Variants in GSK3B observed in about 807,000 individuals in gnomAD.
GSK3B encodes glycogen synthase kinase-3 beta.
GSK3B carries 15 observed loss-of-function variants against 56.4 expected under a neutral mutation model. That is an observed-to-expected ratio of 0.27 (90% CI 0.18 to 0.41). The LOEUF (loss-of-function observed/expected upper bound fraction) is 0.41. Among genes scored for constraint, GSK3B ranks in the 10% least tolerant of loss-of-function variants. The probability of loss-of-function intolerance (pLI) is 1.00; values close to 1 mark genes in which losing one functional copy is unlikely to be tolerated. For synonymous variants in GSK3B, 181 were observed against 188.9 expected (o/e 0.96, Z 0.34); for missense variants, 300 against 513.4 (o/e 0.58, Z 4.02).
chr3:120,079,305 TACAC>T (rs61338597), intron 1 of GSK3B, among the ~76,000 whole-genome samples: 31,290 of 127,696 alleles, frequency 0.25, 3,785 homozygotes, highest in South Asian at 0.29. Flanking sequence ...GACAGGAAAT[TACAC>T]ACACACACAC....
intron 1 of GSK3B, among the ~76,000 whole-genome samples, chr3:120,011,034 A>G (rs551000405): frequency 2.0e-5 from 3 of 152,324 alleles, no homozygotes; most frequent in East Asian, 3.9e-4. Context: ...ATGCCACTGT[A>G]CTCCAGCCTG....
chr3:119,854,744 T>C (rs1332733741), intron 9 of GSK3B, among the ~76,000 whole-genome samples: 1 of 152,252 alleles, frequency 6.6e-6, no homozygotes, highest in Admixed American at 6.5e-5. Flanking sequence ...CAGTTTGTAT[T>C]TCTGTGGGAT....
intron 1 of GSK3B, among the ~76,000 whole-genome samples, chr3:120,066,776 A>G (rs1272531317): frequency 2.6e-5 from 4 of 152,214 alleles, no homozygotes; most frequent in Non-Finnish European, 5.9e-5. Context: ...TAACTCTGCC[A>G]CTGTATGTGA....
chr3:119,861,023 T>C (rs1559811867), intron 9 of GSK3B, among the ~76,000 whole-genome samples: 1 of 152,298 alleles, frequency 6.6e-6, no homozygotes, highest in East Asian at 1.9e-4. Context: ...AGTGGAAAAT[T>C]GATTCTCCTT....
chr3:119,890,151 T>C (rs1559824592), intron 7 of GSK3B, among the ~76,000 whole-genome samples: 1 of 151,994 alleles, frequency 6.6e-6, no homozygotes, highest in South Asian at 2.1e-4. Context: ...TCAAGAGAAA[T>C]ATAAACATAT....
At chr3:120,081,609 T>C (rs920039523) in intron 1 of GSK3B, among the ~76,000 whole-genome samples, 1 of 152,168 alleles carries the variant, frequency 6.6e-6, no homozygotes, top group Non-Finnish European at 1.5e-5. Flanking sequence ...TAAATGTTCC[T>C]AGAAACATCA....
At chr3:119,999,844 T>G (rs778147577) in intron 2 of GSK3B, among the ~76,000 whole-genome samples, 1 of 152,024 alleles carries the variant, frequency 6.6e-6, no homozygotes, top group African/African-American at 2.4e-5. Flanking sequence ...ACATAAAAAG[T>G]TTGGAAAGTT....
At chr3:120,079,099 G>A (rs2058392275) in intron 1 of GSK3B, among the ~76,000 whole-genome samples, 1 of 149,448 alleles carries the variant, frequency 6.7e-6, no homozygotes, top group Non-Finnish European at 1.5e-5. Context: ...GCACCACCAT[G>A]CCCAGCTAAT....
chr3:120,072,895 C>T (rs1009003744), intron 1 of GSK3B, among the ~76,000 whole-genome samples: 4 of 152,054 alleles, frequency 2.6e-5, no homozygotes, highest in South Asian at 2.1e-4. Context: ...GTTAACTGAA[C>T]GCAAAATTGG....
chr3:119,960,531 G>A (rs1204889602), intron 2 of GSK3B, among the ~76,000 whole-genome samples: 1 of 152,196 alleles, frequency 6.6e-6, no homozygotes, highest in Non-Finnish European at 1.5e-5. Context: ...TTGTGATAAT[G>A]TACTATAATT....
intron 8 of GSK3B, among the ~76,000 whole-genome samples, chr3:119,869,555 C>A (rs2056227220): frequency 6.6e-6 from 1 of 152,168 alleles, no homozygotes; most frequent in South Asian, 2.1e-4. Context: ...TTAGCCATGA[C>A]AAATCTAACA....
At chr3:119,888,082 A>T (rs879093582) in intron 7 of GSK3B, among the ~76,000 whole-genome samples, 5 of 152,130 alleles carry the variant, frequency 3.3e-5, no homozygotes, top group Admixed American at 6.6e-5. Flanking sequence ...CACCACAAAA[A>T]AGTAGTTCAG....
intron 10 of GSK3B, among the ~76,000 whole-genome samples, chr3:119,839,871 C>T (rs1293319862): frequency 1.3e-5 from 2 of 152,094 alleles, no homozygotes. Context: ...ATAATTAATT[C>T]GCCCCAGGGT....
chr3:119,952,964 T>C (rs1559850791), intron 2 of GSK3B, among the ~76,000 whole-genome samples: 1 of 152,106 alleles, frequency 6.6e-6, no homozygotes, highest in African/African-American at 2.4e-5. Context: ...ACTATAGATA[T>C]ATTTTTATTT....
chr3:120,037,185 G>GC (rs2058030337), intron 1 of GSK3B, among the ~76,000 whole-genome samples: 1 of 152,140 alleles, frequency 6.6e-6, no homozygotes. Context: ...TCAAGGTATT[G>GC]CCCTAAAGGA....
chr3:120,009,396 C>T (rs997757672), intron 1 of GSK3B, among the ~76,000 whole-genome samples: 6 of 152,092 alleles, frequency 3.9e-5, no homozygotes, highest in African/African-American at 9.7e-5. Context: ...ACATTTACTG[C>T]GGCACTATTC....
intron 3 of GSK3B, 93 bp downstream of exon 3, chr3:119,947,175 T>G (rs919956998): frequency 3.8e-6 from 3 of 780,936 alleles, no homozygotes; most frequent in Non-Finnish European, 6.6e-6. Context: ...TCCATTCCAT[T>G]AGCAAAACTG....
intron 1 of GSK3B, among the ~76,000 whole-genome samples, chr3:120,080,607 G>A (rs542555627): frequency 2.6e-5 from 4 of 152,190 alleles, no homozygotes; most frequent in African/African-American, 9.6e-5. Context: ...AAAGCATCCA[G>A]ATCATTTGAG....
chr3:119,949,192 C>T (rs950257663), intron 2 of GSK3B, among the ~76,000 whole-genome samples: 4 of 152,090 alleles, frequency 2.6e-5, no homozygotes, highest in Admixed American at 2.0e-4. Flanking sequence ...TCCCAGATAA[C>T]AGAAGTTGAT....
Sources: gnomAD v4.1 joint callset for allele counts (sites outside exome capture counted in the v4.1 genomes callset) on GRCh38, gnomAD v4.1.1 for gene constraint, MANE v1.5 for transcripts, NCBI Gene and HGNC (gene_info 2026-07-23, HGNC 2026-07-21) for gene names.